SPEN: variants seen among roughly 807,000 people sequenced by gnomAD.
SPEN encodes msx2-interacting protein.
Under a neutral mutation model 269.9 loss-of-function variants are expected in SPEN, and 18 were observed. That is an observed-to-expected ratio of 0.07 (90% CI 0.05 to 0.10). SPEN has a LOEUF of 0.10. Ranked by LOEUF, SPEN falls within the 10% of genes least tolerant of loss-of-function variation. The pLI, the probability that SPEN is intolerant of heterozygous loss-of-function variation, is 1.00. For missense variants in SPEN, 3,822 were observed against 4,631.2 expected, an observed-to-expected ratio of 0.83 and a Z score of 5.07; for synonymous variants, 1,726 against 1,765.7, an observed-to-expected ratio of 0.98 and a Z score of 0.56.
rs779218124 is a variant in SPEN at position 15,873,050 on chromosome 1, G to T, written c.318G>T (p.Gly106=). The change falls in exon 2 of 15, where the codon GGG becomes GGT. Residue 106 remains glycine, a synonymous_variant. Coordinates refer to ENST00000375759, the MANE Select transcript of SPEN (RefSeq NM_015001.3). The part of the protein sequence containing the change: ...SIASRSREVS[G]FRGGGGGPAY... ...CATCTCGTAGTAGAGAGGTTTCTGG[G>T]TTCAGAGGAGGTGGTGGAGGGCCTG... 2.0e-5 allele frequency: 33 copies of T among 1,614,032 alleles called. No homozygotes were observed. In the Admixed American group the frequency reaches 2.8e-4, roughly 14 times the overall value.
chr1:15,882,497 T>C (rs1449833750), intron 3 of SPEN, among the ~76,000 whole-genome samples: 1 of 151,876 alleles, frequency 6.6e-6, no homozygotes, highest in East Asian at 1.9e-4. Flanking sequence ...CCATCTCTAC[T>C]AAAAATACAA....
chr1:15,851,640 C>T (rs569979584), intron 1 of SPEN, among the ~76,000 whole-genome samples: 1 of 152,248 alleles, frequency 6.6e-6, no homozygotes, highest in East Asian at 1.9e-4. Context: ...GTTTTAGAGA[C>T]TAGGTTAAAG....
intron 1 of SPEN, among the ~76,000 whole-genome samples, chr1:15,868,871 A>G (rs1377562819): frequency 6.6e-6 from 1 of 152,174 alleles, no homozygotes; most frequent in Non-Finnish European, 1.5e-5. Context: ...ACATATTACA[A>G]ATTTTACTGT....
intron 1 of SPEN, among the ~76,000 whole-genome samples, chr1:15,865,837 G>T (rs2070500935): frequency 6.7e-6 from 1 of 150,104 alleles, no homozygotes; most frequent in African/African-American, 2.5e-5. Flanking sequence ...TTCTCCATTT[G>T]TCTTTTGACT....
chr1:15,876,552 A>G lies in SPEN; in HGVS notation c.755A>G (p.Asn252Ser). 6.2e-7 allele frequency: 1 copy of G among 1,614,132 alleles called. No individual in the cohort carries two copies. Among genetic ancestry groups the G allele is most frequent in the Non-Finnish European group, 8.5e-7 (1 of 1,180,030 alleles). The change falls in exon 3 of 15, where the codon AAT becomes AGT. Residue 252 changes from asparagine (N) to serine (S), a missense_variant. Asn to Ser is a conservative substitution (Grantham distance 46, BLOSUM62 1). Coordinates refer to ENST00000375759, the MANE Select transcript of SPEN (RefSeq NM_015001.3). ...TCACCACATTCATCCCAGTCTAGAA[A>G]TCAGTCTCCTCAGAGACTGGCTAGC... ...SRSPHSSQSR[N>S]QSPQRLASQA...
intron 1 of SPEN, among the ~76,000 whole-genome samples, chr1:15,850,098 G>C (rs563819328): frequency 9.2e-5 from 14 of 152,158 alleles, no homozygotes; most frequent in Non-Finnish European, 4.4e-5. Context: ...GGACGGTGCT[G>C]CGGTCTGGCT....
Position 15,872,951 on chromosome 1 carries a change from C to A in SPEN, c.219C>A (p.Asp73Glu). ...CGGTCAACAAAATGGGTGACAGAGA[C>A]CTACGCACGGATTATAATGAACCAG... ...HNSVNKMGDR[D>E]LRTDYNEPGT... Residue 73 changes from aspartate (D) to glutamate (E), a missense_variant, in exon 2 of 15, where the codon GAC becomes GAA. This residue lies in a region of SPEN where 327 missense variants were observed against 350.8 expected (regional missense o/e 0.93). Coordinates refer to ENST00000375759, the MANE Select transcript of SPEN (RefSeq NM_015001.3). 2 of 1,613,890 alleles carry A rather than the reference C, an allele frequency of 1.2e-6. No individual in the cohort carries two copies. Among genetic ancestry groups the A allele is most frequent in the Admixed American group, 3.3e-5 (2 of 60,008 alleles).
intron 3 of SPEN, among the ~76,000 whole-genome samples, chr1:15,884,816 C>T (rs141967318): frequency 1.1e-3 from 168 of 151,752 alleles, no homozygotes; most frequent in African/African-American, 3.4e-3. Context: ...TGACTGCAAC[C>T]TCTGCCTCCC....
chr1:15,934,364 C>T lies in SPEN; in HGVS notation c.8124C>T (p.Thr2708=). Residue 2708 remains threonine, a synonymous_variant, in exon 11 of 15, where the codon ACC becomes ACT. Coordinates refer to ENST00000375759, the MANE Select transcript of SPEN (RefSeq NM_015001.3). This position sits in a 1 kb window ranked among gnomAD's most constrained non-coding sequence, Gnocchi z 9.2. ...TTACGGGGCCAGTGAATGTTCTCAC[C>T]ACTCCAGTGAACGCCACGGTGGGCA... The part of the protein sequence containing the change: ...NVLTGPVNVL[T]TPVNATVGTV... 6.2e-7 allele frequency: 1 copy of T among 1,613,576 alleles called. No homozygotes were observed. Among genetic ancestry groups the T allele is most frequent in the South Asian group, 1.1e-5 (1 of 91,084 alleles).
rs1220274920 is a variant in SPEN, at chr1:15,876,444, A to G, written c.647A>G (p.His216Arg). The G allele has an allele frequency of 1.2e-6, 2 of 1,614,128 alleles. No homozygotes were observed. Among genetic ancestry groups the G allele is most frequent in the Non-Finnish European group, 1.7e-6 (2 of 1,180,012 alleles). The change falls in exon 3 of 15, where the codon CAC becomes CGC. Residue 216 changes from histidine (H) to arginine (R), a missense_variant. By Grantham distance (29) the His-to-Arg change is conservative. This residue lies in a region of SPEN where 327 missense variants were observed against 350.8 expected (regional missense o/e 0.93). Coordinates refer to ENST00000375759, the MANE Select transcript of SPEN (RefSeq NM_015001.3). ...REQFTLPSVV[H>R]RDIYRDDITR... Reference sequence around the variant, plus strand: ...CAGTTTACACTGCCCAGTGTGGTACACAGGGATATCTACAGGGATGATATT... The same window carrying G: ...CAGTTTACACTGCCCAGTGTGGTACGCAGGGATATCTACAGGGATGATATT...
At chr1:15,887,367 G>A (rs1461507009) in intron 3 of SPEN, among the ~76,000 whole-genome samples, 1 of 137,970 alleles carries the variant, frequency 7.2e-6, no homozygotes, top group African/African-American at 2.8e-5. Flanking sequence ...TGCAAGCTCC[G>A]CCTCCCGGGT....
At chr1:15,898,843 G>A (rs1484179306) in intron 3 of SPEN, among the ~76,000 whole-genome samples, 3 of 152,090 alleles carry the variant, frequency 2.0e-5, no homozygotes, top group Admixed American at 6.6e-5. Flanking sequence ...GGTTACAGGC[G>A]TGAGCCACTG....
At chr1:15,863,421 A>G (rs184435419) in intron 1 of SPEN, among the ~76,000 whole-genome samples, 1 of 152,260 alleles carries the variant, frequency 6.6e-6, no homozygotes, top group Admixed American at 6.5e-5. Context: ...TCAGGAATCT[A>G]GGCACTCACC....
intron 1 of SPEN, among the ~76,000 whole-genome samples, chr1:15,865,239 C>T (rs569022796): frequency 6.0e-5 from 9 of 151,218 alleles, no homozygotes; most frequent in East Asian, 2.0e-4. Context: ...TTAGTAGAGA[C>T]GGGATTTCAC....
rs1333065783 is a variant in SPEN at position 15,937,187 on chromosome 1, C to G, written c.10051C>G (p.Leu3351Val). The change falls in exon 12 of 15, where the codon CTG becomes GTG. Residue 3351 changes from leucine (L) to valine (V), a missense_variant. Leu to Val is a conservative substitution (Grantham distance 32). Coordinates refer to ENST00000375759, the MANE Select transcript of SPEN (RefSeq NM_015001.3). The surrounding 1 kb of genome is among the most constrained non-coding windows in gnomAD (Gnocchi z 5.7). ...GGGCCCTCCTCCTGAAGGTGAGCCC[C>G]TGCAGCCTCCTCAGCCTGTGCAGTC... ...AQGPPPEGEP[L>V]QPPQPVQSTQ... The G allele has an allele frequency of 6.2e-7, 1 of 1,612,798 alleles. No individual in the cohort carries two copies. The highest frequency in any genetic ancestry group is 8.5e-7 in the Non-Finnish European group (1 of 1,179,524).
intron 3 of SPEN, among the ~76,000 whole-genome samples, chr1:15,894,551 T>TTTTTC: frequency 6.8e-6 from 1 of 146,654 alleles, no homozygotes; most frequent in African/African-American, 2.6e-5. Context: ...TTTTTTTTTT[T>TTTTTC]TTTTTTTTGA....
chr1:15,874,898 T>A (rs2070615758), intron 2 of SPEN, among the ~76,000 whole-genome samples: 1 of 152,210 alleles, frequency 6.6e-6, no homozygotes, highest in Non-Finnish European at 1.5e-5. Context: ...GGGTTGCTAC[T>A]AAGTGAAATG....
At chr1:15,857,004 A>G (rs923393079) in intron 1 of SPEN, among the ~76,000 whole-genome samples, 1 of 152,094 alleles carries the variant, frequency 6.6e-6, no homozygotes, top group Non-Finnish European at 1.5e-5. Flanking sequence ...GTGAATCCCA[A>G]GTTCCTCTCG....
chr1:15,932,402 C>A lies in SPEN; in HGVS notation c.6162C>A (p.Pro2054=). The A allele has an allele frequency of 1.2e-6, 2 of 1,614,114 alleles. No individual in the cohort carries two copies. Among genetic ancestry groups the A allele is most frequent in the Non-Finnish European group, 1.7e-6 (2 of 1,180,042 alleles). ...DRKDAGTDKN[P]PETAPVEVVE... Reference sequence around the variant, plus strand: ...AAGATGCTGGCACAGACAAAAACCCCCCTGAAACCGCCCCTGTTGAAGTTG... The same window carrying A: ...AAGATGCTGGCACAGACAAAAACCCACCTGAAACCGCCCCTGTTGAAGTTG... The change falls in exon 11 of 15, where the codon CCC becomes CCA. Residue 2054 remains proline, a synonymous_variant. Transcript: ENST00000375759. This position sits in a 1 kb window ranked among gnomAD's most constrained non-coding sequence, Gnocchi z 4.2.
Sources: gnomAD v4.1 joint callset for allele counts (sites outside exome capture counted in the v4.1 genomes callset) on GRCh38, gnomAD v4.1.1 for gene constraint, gnomAD v4.1.1 regional missense constraint, Gnocchi (gnomAD v3.1) non-coding constraint, MANE v1.5 for transcripts, NCBI Gene and HGNC (gene_info 2026-07-23, HGNC 2026-07-21) for gene names.